The following SGCD variants were observed in gnomAD, a reference collection of about 807,000 sequenced individuals.
The protein encoded by SGCD is sarcoglycan delta, also known as delta-sarcoglycan.
A neutral mutation model predicts 36.6 loss-of-function variants in SGCD; 18 were observed. The ratio of observed to expected loss-of-function variants is 0.49; its 90% confidence interval spans 0.34 to 0.73. The LOEUF (loss-of-function observed/expected upper bound fraction) is 0.73. Among genes scored for constraint, SGCD ranks in the 30% least tolerant of loss-of-function variants. SGCD has a pLI of 0.01. For missense variants in SGCD, 387 were observed against 346.7 expected, an observed-to-expected ratio of 1.12 and a Z score of -0.92; for synonymous variants, 133 against 130.6, an observed-to-expected ratio of 1.02 and a Z score of -0.12.
At chr5:156,563,618 T>C (rs1255545020) in intron 4 of SGCD, among the ~76,000 whole-genome samples, 2 of 152,192 alleles carry the variant, frequency 1.3e-5, no homozygotes, top group African/African-American at 4.8e-5. Context: ...TTGCCATACT[T>C]AGTCTCTTTC....
chr5:156,307,566 T>G (rs1274163854), intron 3 of SGCD, among the ~76,000 whole-genome samples: 11 of 148,290 alleles, frequency 7.4e-5, no homozygotes, highest in Middle Eastern at 3.4e-3. Flanking sequence ...TTTTTTTTTT[T>G]TTTTTTTTTT....
At chr5:156,076,584 C>T (rs555527530) in intron 1 of SGCD, among the ~76,000 whole-genome samples, 1 of 152,262 alleles carries the variant, frequency 6.6e-6, no homozygotes, top group East Asian at 1.9e-4. Context: ...TGTTAGCTAG[C>T]TATGGGATGA....
chr5:156,239,187 G>A (rs1765239815), intron 3 of SGCD, among the ~76,000 whole-genome samples: 1 of 152,014 alleles, frequency 6.6e-6, no homozygotes, highest in South Asian at 2.1e-4. Flanking sequence ...ATCACTTGAG[G>A]TCACAAGTTC....
the SGCD span, among the ~76,000 whole-genome samples, chr5:155,751,711 T>A: frequency 1.7e-3 from 252 of 149,132 alleles, no homozygotes; most frequent in African/African-American, 5.5e-3. Flanking sequence ...TGTTTTTTTT[T>A]ATAAAAAAAA....
chr5:156,706,541 C>T (rs1754750302), intron 7 of SGCD, among the ~76,000 whole-genome samples: 1 of 152,106 alleles, frequency 6.6e-6, no homozygotes, highest in South Asian at 2.1e-4. Flanking sequence ...GTGTCATACT[C>T]AGAGGCACAC....
chr5:156,439,340 C>A (rs1753385373), intron 3 of SGCD, among the ~76,000 whole-genome samples: 1 of 152,124 alleles, frequency 6.6e-6, no homozygotes, highest in Non-Finnish European at 1.5e-5. Flanking sequence ...TCAGGACGTC[C>A]TTGAATTTAC....
At chr5:155,744,776 G>A in the SGCD span, among the ~76,000 whole-genome samples, 1 of 152,138 alleles carries the variant, frequency 6.6e-6, no homozygotes, top group East Asian at 1.9e-4. Context: ...AAGTTTGTTC[G>A]ATGTTTAATC....
In SGCD at chr5:155,888,353, G is replaced by C. The variant is rs1316092296; in HGVS notation, c.-282+17929G>C. The stretch of plus-strand genomic sequence containing the variant: ...TTACCAACTTCTATCCTGCTGTCCA[G>C]TATTCTCATGTTCCTGTATAGGAGG... On this transcript the variant is annotated intron_variant, in intron 1 of 9. Transcript: ENST00000517913. 2.0e-5 allele frequency among the ~76,000 whole-genome samples: 3 copies of C among 152,132 alleles called. No individual in the cohort carries two copies. In the East Asian group the frequency reaches 5.8e-4, roughly 29 times the overall value.
At chr5:156,452,190 T>A (rs1754051130) in intron 3 of SGCD, among the ~76,000 whole-genome samples, 2 of 152,170 alleles carry the variant, frequency 1.3e-5, no homozygotes, top group Non-Finnish European at 1.5e-5. Flanking sequence ...CCAATTTTCA[T>A]GCTCATCTCA....
chr5:156,308,108 C>T (rs900498113), intron 3 of SGCD, among the ~76,000 whole-genome samples: 6 of 152,202 alleles, frequency 3.9e-5, no homozygotes, highest in East Asian at 1.9e-4. Flanking sequence ...CTGTATTAGT[C>T]CATTTTCAGC....
chr5:156,553,720 C>A (rs1978450), intron 4 of SGCD, among the ~76,000 whole-genome samples: 16,300 of 152,198 alleles, frequency 0.11, 1,129 homozygotes, highest in Admixed American at 0.16. Context: ...ACATGACCTT[C>A]TGCATGTGAC....
intron 3 of SGCD, among the ~76,000 whole-genome samples, chr5:156,214,856 A>C (rs866614211): frequency 8.5e-5 from 13 of 152,066 alleles, no homozygotes; most frequent in African/African-American, 2.9e-4. Flanking sequence ...AAAAGACAGT[A>C]TCTTCAATAA....
chr5:156,377,153 C>T (rs2127744590), intron 3 of SGCD, among the ~76,000 whole-genome samples: 1 of 152,230 alleles, frequency 6.6e-6, no homozygotes, highest in East Asian at 1.9e-4. Flanking sequence ...TTAATACTTA[C>T]TATTTAATTA....
At chr5:156,436,031 C>T (rs1183883050) in intron 3 of SGCD, among the ~76,000 whole-genome samples, 2 of 152,152 alleles carry the variant, frequency 1.3e-5, no homozygotes, top group Non-Finnish European at 2.9e-5. Flanking sequence ...CCTGTGTGCC[C>T]CTAGCACCCA....
chr5:156,605,598 A>G (rs974674131), intron 6 of SGCD, among the ~76,000 whole-genome samples: 6 of 152,056 alleles, frequency 3.9e-5, no homozygotes, highest in Non-Finnish European at 8.8e-5. Flanking sequence ...GATATTTCTA[A>G]TTCTAGATCC....
chr5:155,744,708 G>A, the SGCD span, among the ~76,000 whole-genome samples: 1 of 152,168 alleles, frequency 6.6e-6, no homozygotes, highest in Non-Finnish European at 1.5e-5. Context: ...TCAGCACAAA[G>A]AGAGAAGGAA....
rs562008848 is a variant in SGCD at position 156,759,511 on chromosome 5, C to T, written c.*121C>T. ...ATCAAAGACCTTGTGTGTATGTGTA[C>T]GTGTGTGTGCGTGCTTGAGTGTGTT... On this transcript the variant is annotated 3_prime_UTR_variant, in exon 9 of 9. Coordinates refer to ENST00000337851, the MANE Select transcript of SGCD (RefSeq NM_000337.6). The T allele has an allele frequency of 1.6e-4, 86 of 540,608 alleles. No individual in the cohort carries two copies. The highest frequency in any genetic ancestry group is 1.3e-3 in the African/African-American group (69 of 53,390). 33.5% of individuals were successfully genotyped at this position (540,608 alleles called of 1,614,324 possible). A position where few individuals can be genotyped will look rare whatever the true frequency, so the allele number is the denominator to read the frequency against.
At chr5:156,466,256 T>G (rs1329811643) in intron 3 of SGCD, among the ~76,000 whole-genome samples, 1 of 152,232 alleles carries the variant, frequency 6.6e-6, no homozygotes, top group Non-Finnish European at 1.5e-5. Flanking sequence ...GGAAGTCATT[T>G]CATCTCTTCT....
At chr5:155,984,604 T>A (rs1156801533) in intron 1 of SGCD, among the ~76,000 whole-genome samples, 3 of 152,236 alleles carry the variant, frequency 2.0e-5, no homozygotes, top group Non-Finnish European at 4.4e-5. Flanking sequence ...GGCATTAATC[T>A]GTTATCCCAG....
Sources: gnomAD v4.1 joint callset for allele counts (sites outside exome capture counted in the v4.1 genomes callset) on GRCh38, gnomAD v4.1.1 for gene constraint, MANE v1.5 for transcripts, NCBI Gene and HGNC (gene_info 2026-07-23, HGNC 2026-07-21) for gene names.